Variants in DCLK1 observed in about 807,000 individuals in gnomAD.
DCLK1 encodes the protein doublecortin like kinase 1.
DCLK1 carries 16 observed loss-of-function variants against 86.2 expected under a neutral mutation model. The observed-to-expected ratio is 0.19, with a 90% CI of 0.13 to 0.28. The LOEUF is 0.28. DCLK1 is among the 10% of genes least tolerant of loss of function. DCLK1 has a pLI of 1.00. For synonymous variants in DCLK1, 369 were observed against 370.5 expected, an observed-to-expected ratio of 1.00 and a Z score of 0.05; for missense variants, 590 against 940.2, an observed-to-expected ratio of 0.63 and a Z score of 4.87.
intron 4 of DCLK1, among the ~76,000 whole-genome samples, chr13:35,914,659 T>C (rs907090187): frequency 2.0e-5 from 3 of 150,228 alleles, no homozygotes; most frequent in African/African-American, 7.4e-5. Context: ...AGGGCTGCAG[T>C]GAGCTGTGAT....
At chr13:35,962,958 G>T (rs1878535643) in intron 3 of DCLK1, among the ~76,000 whole-genome samples, 1 of 152,112 alleles carries the variant, frequency 6.6e-6, no homozygotes, top group South Asian at 2.1e-4. Context: ...TATATATTCA[G>T]AAGAGTGAAC....
intron 4 of DCLK1, among the ~76,000 whole-genome samples, chr13:35,933,407 C>T (rs1191804151): frequency 6.6e-6 from 1 of 152,210 alleles, no homozygotes; most frequent in African/African-American, 2.4e-5. Flanking sequence ...AGGGCTCTGA[C>T]CCCACATTTC....
At chr13:35,978,211 T>C (rs1481118733) in intron 3 of DCLK1, among the ~76,000 whole-genome samples, 1 of 141,622 alleles carries the variant, frequency 7.1e-6, no homozygotes, top group Non-Finnish European at 1.5e-5. Context: ...TTCTTTTTTT[T>C]TTTTTTTTTT....
At chr13:36,098,479 G>A (rs1381477513) in intron 3 of DCLK1, among the ~76,000 whole-genome samples, 1 of 152,130 alleles carries the variant, frequency 6.6e-6, no homozygotes, top group Admixed American at 6.5e-5. Context: ...ATTCACACTG[G>A]TCCTTCCAGG....
At chr13:35,870,215 A>G (rs1872167550) in intron 5 of DCLK1, among the ~76,000 whole-genome samples, 1 of 152,156 alleles carries the variant, frequency 6.6e-6, no homozygotes. Context: ...CCCTAGGTTG[A>G]GAGTCAGAGG....
intron 4 of DCLK1, among the ~76,000 whole-genome samples, chr13:35,890,834 TTCTC>T (rs1468594694): frequency 6.6e-6 from 1 of 151,804 alleles, no homozygotes; most frequent in Non-Finnish European, 1.5e-5. Context: ...CATTTGGACT[TTCTC>T]TCTTGTAAAT....
intron 6 of DCLK1, chr13:35,845,790 G>T: frequency 2.7e-6 from 1 of 366,256 alleles, no homozygotes; most frequent in Non-Finnish European, 3.8e-6. Flanking sequence ...AATTACAACA[G>T]AAGAATGCCA....
At chr13:35,909,100 G>A (rs1874850358) in intron 4 of DCLK1, among the ~76,000 whole-genome samples, 1 of 152,234 alleles carries the variant, frequency 6.6e-6, no homozygotes, top group African/African-American at 2.4e-5. Flanking sequence ...CAGTAGGTAT[G>A]TTTGGACTGT....
chr13:35,782,603 A>G (rs1236739238), intron 16 of DCLK1, among the ~76,000 whole-genome samples: 2 of 152,178 alleles, frequency 1.3e-5, no homozygotes, highest in African/African-American at 4.8e-5. Flanking sequence ...CCAAACTTTG[A>G]TGTATCCCAA....
In DCLK1 at chr13:35,851,090, T is replaced by G. The variant is rs539479872; in HGVS notation, c.1035+3409A>C. ...CTCCACTACTATGTGACTAGGCAAT[T>G]CTTCCTTGACCATTTCCTTCCCATT... On this transcript the variant is annotated intron_variant, in intron 6 of 16. Coordinates refer to ENST00000360631, the MANE Select transcript of DCLK1 (RefSeq NM_001330071.2). 7.9e-5 allele frequency among the ~76,000 whole-genome samples: 12 copies of G among 152,296 alleles called. No homozygotes were observed. In the East Asian group the frequency reaches 2.3e-3, roughly 29 times the overall value.
intron 4 of DCLK1, among the ~76,000 whole-genome samples, chr13:35,939,385 A>C (rs181112439): frequency 2.3e-4 from 35 of 152,310 alleles, no homozygotes; most frequent in South Asian, 8.3e-4. Context: ...CAAGATAGCT[A>C]TATTAGTTTT....
At chr13:36,081,686 G>A (rs954114265) in intron 3 of DCLK1, among the ~76,000 whole-genome samples, 4 of 152,056 alleles carry the variant, frequency 2.6e-5, no homozygotes, top group African/African-American at 7.3e-5. Flanking sequence ...GCACACATGC[G>A]CATGAAGGTC....
intron 3 of DCLK1, among the ~76,000 whole-genome samples, chr13:36,021,777 T>C (rs1424983095): frequency 9.2e-5 from 14 of 152,082 alleles, no homozygotes; most frequent in Admixed American, 9.2e-4. Context: ...TGAAGGGACC[T>C]GTACACAATT....
chr13:35,940,220 C>CAAA (rs35918536), intron 4 of DCLK1, among the ~76,000 whole-genome samples: 1 of 98,050 alleles, frequency 1.0e-5, no homozygotes, highest in African/African-American at 3.3e-5. Flanking sequence ...GAGTCTGTCT[C>CAAA]AAAAAAAAAA....
At chr13:35,987,603 C>G (rs1003121793) in intron 3 of DCLK1, among the ~76,000 whole-genome samples, 1 of 152,074 alleles carries the variant, frequency 6.6e-6, no homozygotes, top group East Asian at 1.9e-4. Context: ...ATACATACAC[C>G]ATTATGTACC....
chr13:35,850,453 G>A, intron 6 of DCLK1: 1 of 1,121,334 alleles, frequency 8.9e-7, no homozygotes, highest in East Asian at 5.0e-5. Context: ...AATTCATCTA[G>A]AGCCAGGCCC....
At chr13:35,805,592 C>A in intron 15 of DCLK1, 107 bp downstream of exon 15, 1 of 1,144,914 alleles carries the variant, frequency 8.7e-7, no homozygotes, top group Non-Finnish European at 1.3e-6. Context: ...AGACACTGCG[C>A]CTGGCCCACA....
intron 3 of DCLK1, among the ~76,000 whole-genome samples, chr13:36,091,077 T>C (rs993867749): frequency 2.0e-5 from 3 of 152,266 alleles, no homozygotes; most frequent in African/African-American, 7.2e-5. Flanking sequence ...TTGTAGATTC[T>C]GGATATTAGA....
At chr13:35,922,951 C>T (rs1008177777) in intron 4 of DCLK1, among the ~76,000 whole-genome samples, 8 of 152,166 alleles carry the variant, frequency 5.3e-5, no homozygotes, top group South Asian at 2.1e-4. Flanking sequence ...AGCAGAGGCC[C>T]GGAGAGCTGC....
Sources: gnomAD v4.1 joint callset for allele counts (sites outside exome capture counted in the v4.1 genomes callset) on GRCh38, gnomAD v4.1.1 for gene constraint, MANE v1.5 for transcripts, NCBI Gene and HGNC (gene_info 2026-07-23, HGNC 2026-07-21) for gene names.